SORCS1: variants seen among roughly 807,000 people sequenced by gnomAD.
SORCS1 encodes the protein VPS10 domain-containing receptor SorCS1.
SORCS1 carries 60 observed loss-of-function variants against 146.1 expected under a neutral mutation model. The observed-to-expected ratio is 0.41, with a 90% confidence interval of 0.33 to 0.51. SORCS1 has a LOEUF of 0.51. Among genes scored for constraint, SORCS1 ranks in the 20% least tolerant of loss-of-function variants. The probability of loss-of-function intolerance (pLI) is 0.21; values close to 1 mark genes in which losing one functional copy is unlikely to be tolerated. For missense variants in SORCS1, 1,352 were observed against 1,487.6 expected (o/e 0.91, Z 1.50); for synonymous variants, 637 against 584.0 (o/e 1.09, Z -1.31).
At chr10:107,125,445 C>T (rs560042837) in intron 1 of SORCS1, among the ~76,000 whole-genome samples, 3 of 152,270 alleles carry the variant, frequency 2.0e-5, no homozygotes, top group Non-Finnish European at 4.4e-5. Context: ...CTTGATCTGA[C>T]CAGGAAGGCT....
the SORCS1 span, among the ~76,000 whole-genome samples, chr10:107,176,060 A>G: frequency 3.2e-3 from 488 of 152,302 alleles, 4 homozygotes; most frequent in African/African-American, 0.011. Context: ...ATATATTTGA[A>G]ACTTTTTATT....
chr10:106,967,203 CT>C (rs934737149), intron 1 of SORCS1, among the ~76,000 whole-genome samples: 2 of 151,910 alleles, frequency 1.3e-5, no homozygotes, highest in African/African-American at 4.8e-5. Flanking sequence ...GTTTCCTCCC[CT>C]GCCACCTCCT....
intron 24 of SORCS1, 149 bp from the exon 25 acceptor site, chr10:106,579,623 A>G: frequency 1.3e-6 from 1 of 776,426 alleles, no homozygotes. Context: ...CATGGCTGAC[A>G]TGGGATGCAT....
At chr10:107,036,410 C>T (rs1324755464) in intron 1 of SORCS1, among the ~76,000 whole-genome samples, 2 of 152,134 alleles carry the variant, frequency 1.3e-5, no homozygotes, top group African/African-American at 4.8e-5. Flanking sequence ...TACTGAGGGA[C>T]AATTGCATTC....
intron 3 of SORCS1, among the ~76,000 whole-genome samples, chr10:106,828,802 T>G (rs1948407834): frequency 6.6e-6 from 1 of 152,038 alleles, no homozygotes; most frequent in East Asian, 1.9e-4. Context: ...ATTTTCTTCC[T>G]AAAAAATGAC....
intron 2 of SORCS1, among the ~76,000 whole-genome samples, chr10:106,875,707 G>T (rs60649785): frequency 0.023 from 3,496 of 152,120 alleles, 142 homozygotes; most frequent in African/African-American, 0.08. Context: ...CATTTCCCTG[G>T]TGATATTGAG....
At position 107,071,068 on chromosome 10, in the gene SORCS1, G is replaced by A. The variant is rs558527706; in HGVS notation, c.558+92901C>T. On this transcript the variant is annotated intron_variant, in intron 1 of 25. Transcript: ENST00000263054. ...TTGCTTTGGCTATATCCAGTCTAAG[G>A]CTGGGCACACGACAGTGACCGGCAG... is the stretch of plus-strand genomic sequence containing the variant. 2.0e-5 allele frequency among the ~76,000 whole-genome samples: 3 copies of A among 152,220 alleles called. No individual in the cohort carries two copies. The East Asian group carries it at 5.8e-4, about 29-fold the overall frequency.
rs1029908818 is a variant in SORCS1, at chr10:106,818,771, C to T, written c.726+10803G>A. Among the ~76,000 whole-genome samples, 6 of 152,266 alleles carry T rather than the reference C, an allele frequency of 3.9e-5. No homozygotes were observed. The East Asian group carries it at 5.8e-4, about 15-fold the overall frequency. Reference sequence around the variant, plus strand: ...AAACTACGTCAAGATATGCATTGTGCGCTTGTGGACACTAGTTTCTCATAG... The same window carrying T: ...AAACTACGTCAAGATATGCATTGTGTGCTTGTGGACACTAGTTTCTCATAG... On this transcript the variant is annotated intron_variant, in intron 3 of 25. Coordinates refer to ENST00000263054, the MANE Select transcript of SORCS1 (RefSeq NM_052918.5).
At position 106,611,958 on chromosome 10, in the gene SORCS1, C is replaced by G; in HGVS notation, c.2986G>C (p.Glu996Gln). The G allele has an allele frequency of 1.2e-6, 2 of 1,614,160 alleles. No individual in the cohort carries two copies. Among genetic ancestry groups the G allele is most frequent in the Non-Finnish European group, 1.7e-6 (2 of 1,180,004 alleles). The change falls in exon 22 of 26, where the codon GAG becomes CAG. Residue 996 changes from glutamate (E) to glutamine (Q), a missense_variant. Glu to Gln is a conservative substitution (Grantham distance 29). Coordinates refer to ENST00000263054, the MANE Select transcript of SORCS1 (RefSeq NM_052918.5). ...NLDDYNPDIP[E>Q]WRRDIGRVIK... is the part of the protein sequence containing the mutation. ...ACTCGACCGATGTCCCTCCTCCACT[C>G]AGGGATGTCCGGGTTGTAGTCATCC...
intron 16 of SORCS1, among the ~76,000 whole-genome samples, chr10:106,670,665 C>T (rs574138819): frequency 6.6e-6 from 1 of 151,268 alleles, no homozygotes; most frequent in East Asian, 1.9e-4. Flanking sequence ...TCCAGTGTTG[C>T]TGTTTGAAGC....
intron 5 of SORCS1, among the ~76,000 whole-genome samples, chr10:106,753,663 C>T (rs533131025): frequency 2.7e-5 from 4 of 149,360 alleles, no homozygotes; most frequent in East Asian, 3.9e-4. Context: ...TTTGGGGCAG[C>T]GATAATAGGC....
intron 2 of SORCS1, among the ~76,000 whole-genome samples, chr10:106,865,931 G>A (rs1468835823): frequency 1.3e-5 from 2 of 150,290 alleles, no homozygotes. Context: ...TACTCAGGAG[G>A]CTGAGGCAGG....
chr10:107,126,213 T>G (rs1258444152), intron 1 of SORCS1, among the ~76,000 whole-genome samples: 1 of 152,030 alleles, frequency 6.6e-6, no homozygotes, highest in Non-Finnish European at 1.5e-5. Flanking sequence ...CAACGATCAC[T>G]TCATCCTATC....
At chr10:107,070,706 T>C (rs1280248950) in intron 1 of SORCS1, among the ~76,000 whole-genome samples, 1 of 152,184 alleles carries the variant, frequency 6.6e-6, no homozygotes, top group African/African-American at 2.4e-5. Context: ...GTGATTGAAC[T>C]GTAGCAAAAT....
intron 24 of SORCS1, among the ~76,000 whole-genome samples, chr10:106,593,609 A>T (rs927846985): frequency 1.3e-5 from 2 of 152,232 alleles, no homozygotes; most frequent in African/African-American, 4.8e-5. Context: ...TTGCTGAACT[A>T]GCCATGACAG....
chr10:106,765,891 A>G (rs1859532010), intron 4 of SORCS1, among the ~76,000 whole-genome samples: 1 of 152,120 alleles, frequency 6.6e-6, no homozygotes, highest in Non-Finnish European at 1.5e-5. Flanking sequence ...TCAGATTGTT[A>G]GACAGGTGCA....
At chr10:106,859,444 A>T (rs926211842) in intron 2 of SORCS1, among the ~76,000 whole-genome samples, 1 of 152,050 alleles carries the variant, frequency 6.6e-6, no homozygotes, top group East Asian at 1.9e-4. Context: ...ACCAGGCTGG[A>T]GTGTGGCGGC....
chr10:107,148,934 T>C (rs1968549227), intron 1 of SORCS1, among the ~76,000 whole-genome samples: 1 of 152,232 alleles, frequency 6.6e-6, no homozygotes, highest in Non-Finnish European at 1.5e-5. Flanking sequence ...ATGAAATTCC[T>C]AAACTGATTC....
At chr10:106,643,057 A>C (rs917522409) in intron 18 of SORCS1, among the ~76,000 whole-genome samples, 1 of 152,174 alleles carries the variant, frequency 6.6e-6, no homozygotes, top group Non-Finnish European at 1.5e-5. Flanking sequence ...TTCTTAGAAA[A>C]TGGTTCCTTC....
Sources: gnomAD v4.1 joint callset for allele counts (sites outside exome capture counted in the v4.1 genomes callset) on GRCh38, gnomAD v4.1.1 for gene constraint, MANE v1.5 for transcripts, NCBI Gene and HGNC (gene_info 2026-07-23, HGNC 2026-07-21) for gene names.